The following LHFPL2 variants were observed in gnomAD, a reference collection of about 807,000 sequenced individuals.
LHFPL2 encodes LHFPL tetraspan subfamily member 2.
A neutral mutation model predicts 17.5 loss-of-function variants in LHFPL2; 7 were observed. That is an observed-to-expected ratio of 0.40 (90% CI 0.23 to 0.75). The LOEUF is 0.75. Ranked by LOEUF, LHFPL2 falls within the 30% of genes least tolerant of loss-of-function variation. The pLI, the probability that LHFPL2 is intolerant of heterozygous loss-of-function variation, is 0.37. For missense variants in LHFPL2, 241 were observed against 294.8 expected (o/e 0.82, Z 1.34); for synonymous variants, 134 against 116.2 (o/e 1.15, Z -0.99).
chr5:78,520,266 C>A (rs1033811502), intron 3 of LHFPL2, among the ~76,000 whole-genome samples: 2 of 152,278 alleles, frequency 1.3e-5, no homozygotes, highest in South Asian at 4.1e-4. Context: ...ATGGCAAAGT[C>A]ATAGGCAAGG....
intron 2 of LHFPL2, among the ~76,000 whole-genome samples, chr5:78,627,737 A>G (rs1321319158): frequency 1.3e-5 from 2 of 152,178 alleles, no homozygotes; most frequent in Non-Finnish European, 2.9e-5. Flanking sequence ...ACAGAACTGC[A>G]TTCACCTGAC....
chr5:78,579,687 G>A (rs1417237215), intron 2 of LHFPL2, among the ~76,000 whole-genome samples: 1 of 151,974 alleles, frequency 6.6e-6, no homozygotes, highest in East Asian at 1.9e-4. Flanking sequence ...ATTTTTTATG[G>A]CTGCATAGTA....
At chr5:78,549,903 T>C (rs1016838219) in intron 3 of LHFPL2, among the ~76,000 whole-genome samples, 3 of 152,204 alleles carry the variant, frequency 2.0e-5, no homozygotes, top group Non-Finnish European at 2.9e-5. Flanking sequence ...AATTAGACAT[T>C]AAGAAACTTC....
Position 78,644,795 on chromosome 5 carries a change from G to T in LHFPL2, c.-350+3704C>A. 1.3e-5 allele frequency: 3 copies of T among 233,324 alleles called. No homozygotes were observed. The South Asian group carries it at 2.1e-4, about 17-fold the overall frequency. The allele number at this position is 233,324 out of a possible 1,614,324, so 14.5% of individuals were successfully genotyped here. A position where few individuals can be genotyped will look rare whatever the true frequency, so the allele number is the denominator to read the frequency against. ...GCTCCTCCCAACAAGTGTGGACAAAGAATGCATATCACATTTTACCTCTCA... is the reference window on the plus strand; with the variant it reads ...GCTCCTCCCAACAAGTGTGGACAAATAATGCATATCACATTTTACCTCTCA... On this transcript the variant is annotated intron_variant, in intron 1 of 4. Coordinates refer to ENST00000380345, the MANE Select transcript of LHFPL2 (RefSeq NM_005779.3).
chr5:78,508,718 T>C (rs946082156), intron 4 of LHFPL2, among the ~76,000 whole-genome samples: 5 of 152,186 alleles, frequency 3.3e-5, no homozygotes, highest in Admixed American at 3.3e-4. Flanking sequence ...TTTTGAAGAA[T>C]CCTGTGCACA....
chr5:78,608,794 C>T (rs771256557), intron 2 of LHFPL2, among the ~76,000 whole-genome samples: 6 of 151,760 alleles, frequency 4.0e-5, no homozygotes, highest in East Asian at 1.9e-4. Flanking sequence ...TAGCCGGGCG[C>T]GGTGGCGGGC....
At chr5:78,551,453 T>C (rs1445863444) in intron 3 of LHFPL2, among the ~76,000 whole-genome samples, 1 of 152,178 alleles carries the variant, frequency 6.6e-6, no homozygotes, top group African/African-American at 2.4e-5. Context: ...TAGGTTTGTA[T>C]CTGGGGGCCA....
intron 2 of LHFPL2, among the ~76,000 whole-genome samples, chr5:78,565,884 A>C (rs1460297634): frequency 2.0e-5 from 3 of 152,250 alleles, no homozygotes; most frequent in Non-Finnish European, 4.4e-5. Context: ...CTCTAAAAGA[A>C]ATTGGCTAGC....
At chr5:78,546,468 C>T (rs1026320331) in intron 3 of LHFPL2, among the ~76,000 whole-genome samples, 2 of 152,186 alleles carry the variant, frequency 1.3e-5, no homozygotes, top group Admixed American at 6.5e-5. Flanking sequence ...ACTCAGCTTC[C>T]CCATGCATGA....
At chr5:78,490,553 C>G (rs1397423836) in intron 4 of LHFPL2, among the ~76,000 whole-genome samples, 1 of 150,036 alleles carries the variant, frequency 6.7e-6, no homozygotes, top group Non-Finnish European at 1.5e-5. Context: ...GAGAGTGAGA[C>G]CATCCTGGCC....
At chr5:78,606,622 T>C (rs1744219595) in intron 2 of LHFPL2, among the ~76,000 whole-genome samples, 1 of 152,204 alleles carries the variant, frequency 6.6e-6, no homozygotes, top group South Asian at 2.1e-4. Context: ...AATTATCACA[T>C]AGTAGCCAAC....
At chr5:78,537,350 T>G (rs1399868704) in intron 3 of LHFPL2, among the ~76,000 whole-genome samples, 1 of 151,930 alleles carries the variant, frequency 6.6e-6, no homozygotes, top group Non-Finnish European at 1.5e-5. Flanking sequence ...GTTAGAAATG[T>G]GCAAGGCTTC....
intron 4 of LHFPL2, among the ~76,000 whole-genome samples, chr5:78,508,408 G>T (rs1374270845): frequency 6.6e-6 from 1 of 152,074 alleles, no homozygotes; most frequent in Non-Finnish European, 1.5e-5. Flanking sequence ...TAAAGGGCCT[G>T]GTGTCTGGAT....
chr5:78,570,193 G>A (rs1756958912), intron 2 of LHFPL2, among the ~76,000 whole-genome samples: 1 of 152,144 alleles, frequency 6.6e-6, no homozygotes, highest in South Asian at 2.1e-4. Flanking sequence ...ATTCATAAAT[G>A]TTTACTGAAT....
intron 1 of LHFPL2, among the ~76,000 whole-genome samples, chr5:78,638,801 A>G (rs1352840196): frequency 6.6e-6 from 1 of 152,204 alleles, no homozygotes; most frequent in Non-Finnish European, 1.5e-5. Context: ...GACAAGACAG[A>G]CGACCAGGTC....
At chr5:78,587,565 C>T (rs1242617527) in intron 2 of LHFPL2, among the ~76,000 whole-genome samples, 1 of 152,230 alleles carries the variant, frequency 6.6e-6, no homozygotes, top group Non-Finnish European at 1.5e-5. Flanking sequence ...CTTAATTCCA[C>T]ATCTGCTCTT....
chr5:78,563,072 G>A (rs1185482137), intron 3 of LHFPL2, among the ~76,000 whole-genome samples: 1 of 152,200 alleles, frequency 6.6e-6, no homozygotes, highest in African/African-American at 2.4e-5. Flanking sequence ...GACAGTGCCT[G>A]GGAGTAGAAA....
At chr5:78,605,188 A>G (rs1744171611) in intron 2 of LHFPL2, among the ~76,000 whole-genome samples, 1 of 152,236 alleles carries the variant, frequency 6.6e-6, no homozygotes. Flanking sequence ...GGTTTTCGTT[A>G]TATTTCAAAC....
Position 78,485,813 on chromosome 5 carries a change from G to A in LHFPL2, c.*3084C>T, listed in dbSNP as rs754184802. On this transcript the variant is annotated 3_prime_UTR_variant, in exon 5 of 5. Coordinates refer to ENST00000380345, the MANE Select transcript of LHFPL2 (RefSeq NM_005779.3). The stretch of plus-strand genomic sequence containing the variant: ...AAGACTAGCATTAACTGGGCCTGGC[G>A]TGCGGGCTTAACTTTGACATAACAC... 1.3e-5 allele frequency: 2 copies of A among 152,610 alleles called. No individual in the cohort carries two copies. The highest frequency in any genetic ancestry group is 1.3e-4 in the Admixed American group (2 of 15,282). The allele number at this position is 152,610 out of a possible 1,614,324, so 9.5% of individuals were successfully genotyped here. A position where few individuals can be genotyped will look rare whatever the true frequency, so the allele number is the denominator to read the frequency against.
Sources: gnomAD v4.1 joint callset for allele counts (sites outside exome capture counted in the v4.1 genomes callset) on GRCh38, gnomAD v4.1.1 for gene constraint, MANE v1.5 for transcripts, NCBI Gene and HGNC (gene_info 2026-07-23, HGNC 2026-07-21) for gene names.